RAB37: variants seen among roughly 807,000 people sequenced by gnomAD.
The protein encoded by RAB37 is ras-related protein Rab-37.
RAB37 carries 29 observed loss-of-function variants against 33.1 expected under a neutral mutation model. That is an observed-to-expected ratio of 0.88 (90% CI 0.65 to 1.20). The LOEUF (loss-of-function observed/expected upper bound fraction) is 1.20. Ranked by LOEUF, RAB37 falls within the 50% of genes most tolerant of loss-of-function variation. The pLI is 0.00. For missense variants in RAB37, 299 were observed against 301.1 expected, an observed-to-expected ratio of 0.99 and a Z score of 0.05; for synonymous variants, 128 against 119.5, an observed-to-expected ratio of 1.07 and a Z score of -0.47.
At position 74,745,135 on chromosome 17, in the gene RAB37, A is replaced by G. The variant is rs2034725726; in HGVS notation, c.566+51A>G. On this transcript the variant is annotated intron_variant, in intron 8 of 8. Transcript: ENST00000392613. The surrounding 1 kb of genome is among the most constrained non-coding windows in gnomAD (Gnocchi z 4.5). ...TGTGCGGGGCAGGGCGGCACACTCCAGGAATCCAGTAGGGCCCGGCCCCTG... is the reference window on the plus strand; with the variant it reads ...TGTGCGGGGCAGGGCGGCACACTCCGGGAATCCAGTAGGGCCCGGCCCCTG... The G allele has an allele frequency of 6.3e-7, 1 of 1,598,600 alleles. No homozygotes were observed. Among genetic ancestry groups the G allele is most frequent in the Non-Finnish European group, 8.6e-7 (1 of 1,166,834 alleles).
intron 1 of RAB37, among the ~76,000 whole-genome samples, chr17:74,679,241 A>C (rs1182305215): frequency 2.6e-5 from 4 of 152,216 alleles, no homozygotes; most frequent in Non-Finnish European, 5.9e-5. Flanking sequence ...TTATTAGAGC[A>C]GTACCCCTAG....
At chr17:74,711,499 C>G (rs1338432055) in intron 1 of RAB37, among the ~76,000 whole-genome samples, 3 of 152,222 alleles carry the variant, frequency 2.0e-5, no homozygotes, top group African/African-American at 7.2e-5. Flanking sequence ...TCTTCCTGTA[C>G]CAGCCTAGCA....
At position 74,729,451 on chromosome 17, in the gene RAB37, G is replaced by A. The variant is rs1274858758; in HGVS notation, c.183+85G>A. 8.9e-6 allele frequency: 8 copies of A among 903,470 alleles called. No individual in the cohort carries two copies. In the African/African-American group the frequency reaches 1.1e-4, roughly 13 times the overall value. The allele number at this position is 903,470 out of a possible 1,614,324, so 56.0% of individuals were successfully genotyped here. A position where few individuals can be genotyped will look rare whatever the true frequency, so the allele number is the denominator to read the frequency against. ...GTTGAGTGCCAGCAGGAAACAGGTG[G>A]ACACTCGCATTGGATCATTCAAGGA... is the stretch of plus-strand genomic sequence containing the variant. On this transcript the variant is annotated intron_variant, in intron 2 of 7. Coordinates refer to the RAB37 transcript ENST00000340415. The surrounding 1 kb of genome is among the most constrained non-coding windows in gnomAD (Gnocchi z 4.2).
intron 1 of RAB37, among the ~76,000 whole-genome samples, chr17:74,704,047 T>C (rs887679947): frequency 1.2e-4 from 18 of 152,082 alleles, no homozygotes; most frequent in African/African-American, 3.9e-4. Flanking sequence ...AGGTTAGATA[T>C]GGAATGGGAG....
chr17:74,720,791 G>T (rs554746974), intron 1 of RAB37, among the ~76,000 whole-genome samples: 1 of 152,030 alleles, frequency 6.6e-6, no homozygotes, highest in African/African-American at 2.4e-5. Flanking sequence ...CTTGGTACCC[G>T]GGTTCTTGTC....
chr17:74,712,989 A>G (rs2034079083), intron 1 of RAB37: 4 of 998,978 alleles, frequency 4.0e-6, no homozygotes, highest in Admixed American at 2.1e-5. Context: ...GTCACTTCCC[A>G]TGGGTGAAAG....
upstream of RAB37, chr17:74,736,710 C>T (rs1299351590): frequency 1.3e-6 from 2 of 1,535,730 alleles, no homozygotes; most frequent in Admixed American, 2.0e-5. Context: ...CCCAAAACAC[C>T]GCAGCGTACA....
intron 1 of RAB37, among the ~76,000 whole-genome samples, chr17:74,721,312 A>G (rs1393190939): frequency 6.6e-6 from 1 of 152,202 alleles, no homozygotes; most frequent in Middle Eastern, 3.4e-3. Flanking sequence ...TCATCCTTTT[A>G]CTGTTTTCAC....
chr17:74,710,750 C>G (rs1344917364), intron 1 of RAB37, among the ~76,000 whole-genome samples: 2 of 151,946 alleles, frequency 1.3e-5, no homozygotes, highest in Non-Finnish European at 2.9e-5. Context: ...ACCTGTAATC[C>G]CAGCTACTTG....
rs2031826265 is a variant in RAB37, at chr17:74,676,065, T to TG, written c.72+4411dup. 6.6e-6 allele frequency among the ~76,000 whole-genome samples: 1 copy of TG among 152,126 alleles called. No individual in the cohort carries two copies. Among genetic ancestry groups the TG allele is most frequent in the Non-Finnish European group, 1.5e-5 (1 of 68,012 alleles). ...TCAAGAGCCATCCAGGGCAATGGTCTGGGGTAGGGGTTCAGGAACAGCCCA... is the reference window on the plus strand; with the variant it reads ...TCAAGAGCCATCCAGGGCAATGGTCTGGGGGTAGGGGTTCAGGAACAGCCCA... On this transcript the variant is annotated intron_variant, in intron 1 of 7. Coordinates refer to the RAB37 transcript ENST00000340415. The surrounding 1 kb of genome is among the most constrained non-coding windows in gnomAD (Gnocchi z 4.1).
chr17:74,734,502 C>T (rs1256012721), upstream of RAB37, among the ~76,000 whole-genome samples: 2 of 152,230 alleles, frequency 1.3e-5, no homozygotes, highest in Non-Finnish European at 2.9e-5. Context: ...TGAGGCATGC[C>T]CTGTCCCCTC....
chr17:74,734,138 C>T (rs1182770232), upstream of RAB37, among the ~76,000 whole-genome samples: 1 of 152,216 alleles, frequency 6.6e-6, no homozygotes, highest in East Asian at 1.9e-4. Flanking sequence ...AAAGTACCAG[C>T]AGGGCCACGC....
chr17:74,688,028 TG>T (rs1485675409), intron 1 of RAB37, among the ~76,000 whole-genome samples: 1 of 152,234 alleles, frequency 6.6e-6, no homozygotes, highest in Non-Finnish European at 1.5e-5. Context: ...ATAGAAACTT[TG>T]TTAAGCAACC....
chr17:74,707,410 A>G (rs1002764260), intron 1 of RAB37, among the ~76,000 whole-genome samples: 1 of 152,250 alleles, frequency 6.6e-6, no homozygotes, highest in Non-Finnish European at 1.5e-5. Flanking sequence ...ATCACCAGAA[A>G]AATGCAAATT....
Position 74,678,485 on chromosome 17 carries a change from T to TTCATTTGCTTATTAGCACCTTC in RAB37, c.72+6845_72+6866dup, listed in dbSNP as rs1231375888. Among the ~76,000 whole-genome samples the TTCATTTGCTTATTAGCACCTTC allele has an allele frequency of 1.2e-4, 18 of 152,306 alleles. No individual in the cohort carries two copies. In the East Asian group the frequency reaches 2.1e-3, roughly 18 times the overall value. On this transcript the variant is annotated intron_variant, in intron 1 of 7. Transcript: ENST00000340415. Reference sequence around the variant, plus strand: ...CTTCTCATTTGCTTATCAGCGCCTTTTCATTTGCTTATTAGCACCTTCTCA... The same window carrying TTCATTTGCTTATTAGCACCTTC: ...CTTCTCATTTGCTTATCAGCGCCTTTTCATTTGCTTATTAGCACCTTCTCATTTGCTTATTAGCACCTTCTCA...
chr17:74,681,469 G>A (rs1330241215), intron 1 of RAB37, among the ~76,000 whole-genome samples: 2 of 152,208 alleles, frequency 1.3e-5, no homozygotes, highest in Non-Finnish European at 2.9e-5. Context: ...TTGTGGCAGA[G>A]TCCAACACAT....
intron 1 of RAB37, among the ~76,000 whole-genome samples, chr17:74,701,190 A>C (rs1051378560): frequency 6.6e-6 from 1 of 152,236 alleles, no homozygotes; most frequent in Non-Finnish European, 1.5e-5. Flanking sequence ...CTCCTTCATC[A>C]CTGGATGTGC....
rs377207224 is a variant in RAB37 at position 74,740,357 on chromosome 17, C to T, written c.94-411C>T. Among the ~76,000 whole-genome samples the T allele has an allele frequency of 5.9e-5, 9 of 152,136 alleles. No individual in the cohort carries two copies. The East Asian group carries it at 7.7e-4, about 13-fold the overall frequency. ...TCCTGTCAGTATAGCCCAGCCCATG[C>T]GTGTACTCACGAGCGGACGATGGAT... On this transcript the variant is annotated intron_variant, in intron 1 of 8. Coordinates refer to ENST00000392613, the MANE Select transcript of RAB37 (RefSeq NM_001006638.3).
rs138391516 is a variant in RAB37, at chr17:74,711,842, A to C, written c.73-17414A>C. ...TTGTTCTGTTTTCCTCACAGTACTT[A>C]TCACTTCTCACTTCTTGAAATTATT... On this transcript the variant is annotated intron_variant, in intron 1 of 7. Coordinates refer to the RAB37 transcript ENST00000340415. Among the ~76,000 whole-genome samples the C allele has an allele frequency of 4.7e-5, 7 of 147,670 alleles. No homozygotes were observed. The East Asian group carries it at 1.4e-3, about 30-fold the overall frequency.
Sources: allele counts gnomAD v4.1 joint callset (sites outside exome capture counted in the v4.1 genomes callset), GRCh38; gene constraint gnomAD v4.1.1; non-coding constraint Gnocchi (gnomAD v3.1); transcripts MANE v1.5; gene names NCBI Gene and HGNC (gene_info 2026-07-23, HGNC 2026-07-21).